RANBP2: variants seen among roughly 807,000 people sequenced by gnomAD.
RANBP2 encodes the protein RAN binding protein 2.
RANBP2 carries 57 observed loss-of-function variants against 303.6 expected under a neutral mutation model. The observed-to-expected ratio is 0.19, with a 90% CI of 0.15 to 0.23. The LOEUF (loss-of-function observed/expected upper bound fraction) is 0.23. Among genes scored for constraint, RANBP2 ranks in the 10% least tolerant of loss-of-function variants. The pLI is 1.00. For synonymous variants in RANBP2, 1,167 were observed against 1,301.5 expected (o/e 0.90, Z 2.23); for missense variants, 3,138 against 3,780.8 (o/e 0.83, Z 4.46).
chr2:109,602,541 G>A, the RANBP2 span, among the ~76,000 whole-genome samples: 5 of 151,992 alleles, frequency 3.3e-5, no homozygotes, highest in African/African-American at 7.2e-5. Flanking sequence ...TGAGTGTGGT[G>A]GCGCATGCCT....
the RANBP2 span, among the ~76,000 whole-genome samples, chr2:109,055,932 G>A: frequency 1.8e-4 from 26 of 144,672 alleles, no homozygotes; most frequent in South Asian, 4.0e-3. Context: ...GCTAATTTTC[G>A]CATTTTTAGT....
chr2:109,448,386 G>GGCTGCACAGCAGGTTGT, the RANBP2 span, among the ~76,000 whole-genome samples: 1 of 152,172 alleles, frequency 6.6e-6, no homozygotes, highest in Non-Finnish European at 1.5e-5. Flanking sequence ...TTAGGAACTG[G>GGCTGCACAGCAGGTTGT]GCTGCACAGC....
chr2:109,401,579 C>G, the RANBP2 span, among the ~76,000 whole-genome samples: 7 of 152,220 alleles, frequency 4.6e-5, no homozygotes, highest in Non-Finnish European at 7.3e-5. Context: ...CCTCGGTGTT[C>G]CTTGGAGTTC....
chr2:109,339,649 G>A, the RANBP2 span, among the ~76,000 whole-genome samples: 1 of 152,218 alleles, frequency 6.6e-6, no homozygotes, highest in Non-Finnish European at 1.5e-5. Flanking sequence ...GGATCAAGGA[G>A]CACTTTTCAA....
At chr2:109,279,762 C>T in the RANBP2 span, among the ~76,000 whole-genome samples, 1 of 152,048 alleles carries the variant, frequency 6.6e-6, no homozygotes, top group Admixed American at 6.5e-5. Flanking sequence ...CGAAACTTCG[C>T]AGACGCTGAC....
the RANBP2 span, among the ~76,000 whole-genome samples, chr2:109,154,954 T>C: frequency 6.6e-6 from 1 of 152,202 alleles, no homozygotes; most frequent in South Asian, 2.1e-4. Context: ...AAAAGAGGCT[T>C]TCCAGATTTC....
chr2:109,375,437 C>CAA, the RANBP2 span, among the ~76,000 whole-genome samples: 1 of 152,208 alleles, frequency 6.6e-6, no homozygotes, highest in African/African-American at 2.4e-5. Flanking sequence ...AGTGTCCACT[C>CAA]GGGCACAGAG....
chr2:109,151,174 A>G, the RANBP2 span, among the ~76,000 whole-genome samples: 1 of 152,208 alleles, frequency 6.6e-6, no homozygotes, highest in African/African-American at 2.4e-5. Flanking sequence ...ACAAAGTGCA[A>G]TGAATATATT....
chr2:109,648,078 C>G, the RANBP2 span, among the ~76,000 whole-genome samples: 1 of 152,158 alleles, frequency 6.6e-6, no homozygotes, highest in Admixed American at 6.5e-5. Flanking sequence ...AGAGAGGGTG[C>G]AAGAACTAAG....
chr2:109,637,300 C>CTT, the RANBP2 span, among the ~76,000 whole-genome samples: 1 of 151,770 alleles, frequency 6.6e-6, no homozygotes, highest in Non-Finnish European at 1.5e-5. Context: ...AATGTACAAT[C>CTT]GGGTTTTATA....
the RANBP2 span, chr2:109,737,317 T>C: frequency 1.5e-6 from 1 of 678,094 alleles, no homozygotes; most frequent in Non-Finnish European, 2.7e-6. Flanking sequence ...CACGGTGATC[T>C]TGCTCTTGCT....
chr2:108,788,757 T>G (rs1010573669), downstream of RANBP2: 64 of 1,481,584 alleles, frequency 4.3e-5, no homozygotes, highest in Non-Finnish European at 5.6e-5. Flanking sequence ...AGAGAGAAGA[T>G]TTTAAAAATA....
the RANBP2 span, among the ~76,000 whole-genome samples, chr2:109,415,515 AC>A: frequency 1.3e-5 from 2 of 151,632 alleles, no homozygotes; most frequent in Non-Finnish European, 2.9e-5. Flanking sequence ...GCGTGTCCAG[AC>A]CCCCTCCTGA....
the RANBP2 span, among the ~76,000 whole-genome samples, chr2:108,933,122 T>C: frequency 1.3e-5 from 2 of 152,140 alleles, no homozygotes; most frequent in Non-Finnish European, 2.9e-5. Flanking sequence ...ACACCTGTTG[T>C]TGGGTGAGAA....
the RANBP2 span, among the ~76,000 whole-genome samples, chr2:109,091,749 C>T: frequency 6.6e-5 from 10 of 152,088 alleles, no homozygotes; most frequent in African/African-American, 2.4e-4. Flanking sequence ...ACTGGTGGGG[C>T]ACTGCTGACC....
At chr2:109,195,420 G>C in the RANBP2 span, among the ~76,000 whole-genome samples, 1 of 152,238 alleles carries the variant, frequency 6.6e-6, no homozygotes, top group Admixed American at 6.5e-5. Flanking sequence ...GGACACCAGC[G>C]TCTGCCACTC....
chr2:109,195,392 A>G, the RANBP2 span, among the ~76,000 whole-genome samples: 1 of 152,260 alleles, frequency 6.6e-6, no homozygotes, highest in Non-Finnish European at 1.5e-5. Context: ...CTCTGGGACC[A>G]GGCAGGCCCT....
chr2:109,718,370 G>A, the RANBP2 span, among the ~76,000 whole-genome samples: 23 of 152,256 alleles, frequency 1.5e-4, no homozygotes, highest in East Asian at 7.7e-4. Context: ...ATACAATGGC[G>A]TATTACTCAG....
At chr2:109,066,999 T>C in the RANBP2 span, among the ~76,000 whole-genome samples, 1 of 152,032 alleles carries the variant, frequency 6.6e-6, no homozygotes, top group Non-Finnish European at 1.5e-5. Context: ...AAACCTAATG[T>C]TTTATCCCAG....
Sources: gnomAD v4.1 joint callset for allele counts (sites outside exome capture counted in the v4.1 genomes callset) on GRCh38, gnomAD v4.1.1 for gene constraint, MANE v1.5 for transcripts, NCBI Gene and HGNC (gene_info 2026-07-23, HGNC 2026-07-21) for gene names.